QKI: variants seen among roughly 807,000 people sequenced by gnomAD.
QKI encodes the protein KH domain-containing RNA-binding protein QKI.
In QKI, 10 loss-of-function variants were observed where a neutral mutation model predicts 39.0. The ratio of observed to expected loss-of-function variants is 0.26; its 90% CI spans 0.16 to 0.43. QKI has a LOEUF of 0.43. Ranked by LOEUF, QKI falls within the 20% of genes least tolerant of loss-of-function variation. The probability of loss-of-function intolerance (pLI) is 1.00; values close to 1 mark genes in which losing one functional copy is unlikely to be tolerated. For synonymous variants in QKI, 204 were observed against 155.4 expected (o/e 1.31, Z -2.33); for missense variants, 218 against 428.0 (o/e 0.51, Z 4.33).
chr6:163,562,450 G>A (rs1783091872), intron 5 of QKI, among the ~76,000 whole-genome samples: 1 of 152,178 alleles, frequency 6.6e-6, no homozygotes, highest in Admixed American at 6.5e-5. Flanking sequence ...AATTTGAAGT[G>A]TATCTGACTG....
chr6:163,530,659 T>G lies in QKI; in HGVS notation c.403-4323T>G, dbSNP rs185608070. Reference sequence around the variant, plus strand: ...CGTAGCATGACCTCAAAGCCTTTTTTTGTGTGACATTTGATATGCACATGG... The same window carrying G: ...CGTAGCATGACCTCAAAGCCTTTTTGTGTGTGACATTTGATATGCACATGG... On this transcript the variant is annotated intron_variant, in intron 3 of 7. Coordinates refer to ENST00000361752, the MANE Select transcript of QKI (RefSeq NM_006775.3). Among the ~76,000 whole-genome samples the G allele has an allele frequency of 6.8e-4, 104 of 152,302 alleles. 1 individual carries two copies. The highest frequency in any genetic ancestry group is 2.1e-4 in the Non-Finnish European group (14 of 68,030).
chr6:163,529,917 A>G (rs1295792682), intron 3 of QKI, among the ~76,000 whole-genome samples: 1 of 152,216 alleles, frequency 6.6e-6, no homozygotes, highest in Non-Finnish European at 1.5e-5. Flanking sequence ...CAGTTTGGAC[A>G]TGTGGAGTTC....
intron 7 of QKI, chr6:163,567,959 TG>T (rs1421105598): frequency 1.0e-6 from 1 of 984,578 alleles, no homozygotes; most frequent in African/African-American, 1.7e-5. Context: ...CCAAAGACAT[TG>T]TTAATATTTG....
intron 5 of QKI, among the ~76,000 whole-genome samples, chr6:163,562,965 C>T (rs1783124938): frequency 6.6e-6 from 1 of 152,136 alleles, no homozygotes; most frequent in Non-Finnish European, 1.5e-5. Flanking sequence ...GGTTACTTGA[C>T]TAAATGCAAT....
chr6:163,446,085 C>T (rs1790132864), intron 1 of QKI, among the ~76,000 whole-genome samples: 1 of 152,074 alleles, frequency 6.6e-6, no homozygotes, highest in African/African-American at 2.4e-5. Context: ...TTTTTGCTAA[C>T]TAATTTAGCA....
chr6:163,529,505 A>C (rs1450361904), intron 3 of QKI, among the ~76,000 whole-genome samples: 1 of 152,186 alleles, frequency 6.6e-6, no homozygotes, highest in African/African-American at 2.4e-5. Flanking sequence ...CAATGCACAG[A>C]TAACTAAGTT....
At chr6:163,510,441 A>G (rs886724457) in intron 3 of QKI, among the ~76,000 whole-genome samples, 3 of 149,844 alleles carry the variant, frequency 2.0e-5, no homozygotes, top group Admixed American at 6.7e-5. Context: ...CATCCCTATA[A>G]CCCCAGCTAC....
At chr6:163,562,917 G>A (rs928115084) in intron 5 of QKI, among the ~76,000 whole-genome samples, 1 of 152,114 alleles carries the variant, frequency 6.6e-6, no homozygotes, top group Non-Finnish European at 1.5e-5. Context: ...TGTGACGTTG[G>A]TTCCTAAAGA....
At position 163,567,301 on chromosome 6, in the gene QKI, C is replaced by T. The variant is rs550837269; in HGVS notation, c.1009+506C>T. On this transcript the variant is annotated intron_variant, in intron 7 of 7. Coordinates refer to ENST00000361752, the MANE Select transcript of QKI (RefSeq NM_006775.3). ...GAGCCACTGTATAAACATGAGGGTG[C>T]ACATGTCAAGTACTTAGCTAAAATC... The T allele has an allele frequency of 2.5e-4, 245 of 985,914 alleles. No individual in the cohort carries two copies. In the African/African-American group the frequency reaches 2.8e-3, roughly 11 times the overall value. The allele number at this position is 985,914 out of a possible 1,614,324, so 61.1% of individuals were successfully genotyped here. A position where few individuals can be genotyped will look rare whatever the true frequency, so the allele number is the denominator to read the frequency against.
At chr6:163,439,354 T>TTTG (rs201292493) in intron 1 of QKI, among the ~76,000 whole-genome samples, 12 of 133,356 alleles carry the variant, frequency 9.0e-5, no homozygotes, top group Admixed American at 2.2e-4. Flanking sequence ...TTTTTTTTTT[T>TTTG]CGGGGGGGTG....
chr6:163,482,932 C>G (rs186421650), intron 3 of QKI, among the ~76,000 whole-genome samples: 4 of 152,256 alleles, frequency 2.6e-5, no homozygotes, highest in Admixed American at 1.3e-4. Context: ...AGTCTCAGCC[C>G]TCTGTATACT....
chr6:163,557,969 T>C (rs537257584), intron 4 of QKI, among the ~76,000 whole-genome samples: 2 of 152,342 alleles, frequency 1.3e-5, no homozygotes, highest in African/African-American at 4.8e-5. Flanking sequence ...GGATAATCAC[T>C]TGAGTTCAGT....
chr6:163,503,045 CT>C (rs1297148297), intron 3 of QKI, among the ~76,000 whole-genome samples: 2 of 151,642 alleles, frequency 1.3e-5, no homozygotes, highest in Non-Finnish European at 2.9e-5. Context: ...GCCATTCTGA[CT>C]TGTGTGAGAT....
chr6:163,478,003 T>C (rs1283122652), intron 2 of QKI, among the ~76,000 whole-genome samples: 1 of 152,260 alleles, frequency 6.6e-6, no homozygotes, highest in Non-Finnish European at 1.5e-5. Context: ...TCTTATATTT[T>C]GGCCTTTATG....
chr6:163,503,997 C>T (rs895031780), intron 3 of QKI, among the ~76,000 whole-genome samples: 7 of 152,082 alleles, frequency 4.6e-5, no homozygotes, highest in Admixed American at 6.5e-5. Context: ...CCTGCCTCTG[C>T]CTCCCAAAGT....
At chr6:163,528,701 T>C (rs1780666443) in intron 3 of QKI, among the ~76,000 whole-genome samples, 1 of 152,192 alleles carries the variant, frequency 6.6e-6, no homozygotes, top group South Asian at 2.1e-4. Flanking sequence ...ATACAGACCA[T>C]GATAATCATT....
chr6:163,500,163 A>G (rs1287397469), intron 3 of QKI, among the ~76,000 whole-genome samples: 1 of 152,216 alleles, frequency 6.6e-6, no homozygotes, highest in African/African-American at 2.4e-5. Flanking sequence ...CCCTGTTCAT[A>G]TGCTTCTCTA....
chr6:163,513,026 C>A (rs552465733), intron 3 of QKI, among the ~76,000 whole-genome samples: 1 of 152,262 alleles, frequency 6.6e-6, no homozygotes, highest in South Asian at 2.1e-4. Context: ...TTCGAGAGAT[C>A]ACATTCACAC....
chr6:163,465,263 G>A (rs1371886206), intron 2 of QKI, among the ~76,000 whole-genome samples: 1 of 152,078 alleles, frequency 6.6e-6, no homozygotes, highest in Non-Finnish European at 1.5e-5. Flanking sequence ...TTTCCTCTGA[G>A]GTCAGGAAGA....
Sources: gnomAD v4.1 joint callset for allele counts (sites outside exome capture counted in the v4.1 genomes callset) on GRCh38, gnomAD v4.1.1 for gene constraint, MANE v1.5 for transcripts, NCBI Gene and HGNC (gene_info 2026-07-23, HGNC 2026-07-21) for gene names.